The following HDLBP variants were observed in gnomAD, a reference collection of about 807,000 sequenced individuals.
The protein encoded by HDLBP is vigilin.
In HDLBP, 30 loss-of-function variants were observed where a neutral mutation model predicts 137.3. The ratio of observed to expected loss-of-function variants is 0.22; its 90% confidence interval spans 0.16 to 0.30. The LOEUF is 0.30. Ranked by LOEUF, HDLBP falls within the 10% of genes least tolerant of loss-of-function variation. The probability of loss-of-function intolerance (pLI) is 1.00; values close to 1 mark genes in which losing one functional copy is unlikely to be tolerated. For missense variants in HDLBP, 1,119 were observed against 1,667.3 expected (o/e 0.67, Z 5.73); for synonymous variants, 606 against 596.0 (o/e 1.02, Z -0.24).
At chr2:241,231,113 G>C (rs1051523247) in intron 24 of HDLBP, 169 bp from the exon 25 acceptor site, 2 of 613,670 alleles carry the variant, frequency 3.3e-6, no homozygotes, top group African/African-American at 3.7e-5. Context: ...GGCCGGGCAC[G>C]GTGGCTCACG....
intron 1 of HDLBP, among the ~76,000 whole-genome samples, chr2:241,296,684 G>C (rs770160649): frequency 6.6e-6 from 1 of 152,154 alleles, no homozygotes; most frequent in Non-Finnish European, 1.5e-5. Flanking sequence ...TATGAGATCC[G>C]CAAAGATGAA....
Position 241,247,298 on chromosome 2 carries a change from T to C in HDLBP, c.1732-156A>G. On this transcript the variant is annotated intron_variant, in intron 14 of 27. Transcript: ENST00000310931. ...TCATGAGGGTAAGTGAGATAGATCA[T>C]TTGTCCAACAACTAACTTACGTTGC... 6.5e-6 allele frequency: 4 copies of C among 619,654 alleles called. No individual in the cohort carries two copies. In the South Asian group the frequency reaches 7.7e-5, roughly 12 times the overall value. 38.4% of individuals were successfully genotyped at this position (619,654 alleles called of 1,614,324 possible).
At position 241,268,344 on chromosome 2, in the gene HDLBP, C is replaced by T. The variant is rs145684744; in HGVS notation, c.-38+133G>A. On this transcript the variant is annotated intron_variant, in intron 2 of 27. Transcript: ENST00000310931. ...GGTGAAGCTATGGAGACATCTCTGA[C>T]GAACCACGAGAAACTTGAAGGTGTG... is the stretch of plus-strand genomic sequence containing the variant. The T allele has an allele frequency of 8.1e-4, 385 of 475,966 alleles. 6 individuals are homozygous for T. In the South Asian group the frequency reaches 0.022, roughly 27 times the overall value. The allele number at this position is 475,966 out of a possible 1,614,324, so 29.5% of individuals were successfully genotyped here. A position where few individuals can be genotyped will look rare whatever the true frequency, so the allele number is the denominator to read the frequency against.
intron 9 of HDLBP, 24 bp from the exon 10 acceptor site, chr2:241,253,521 T>C (rs758403476): frequency 7.9e-6 from 12 of 1,521,492 alleles, no homozygotes; most frequent in South Asian, 3.4e-5. Flanking sequence ...ACCAAAGAGA[T>C]AGCTAAAACA....
chr2:241,268,037 C>T, intron 2 of HDLBP: 2 of 863,846 alleles, frequency 2.3e-6, no homozygotes, highest in African/African-American at 1.8e-5. Context: ...CAAACTACTA[C>T]AGTGAGGAAG....
chr2:241,229,800 T>TG (rs764162051), intron 27 of HDLBP, 33 bp downstream of exon 27: 1 of 310,040 alleles, frequency 3.2e-6, no homozygotes, highest in South Asian at 2.0e-5. Context: ...CCACCCTCCC[T>TG]GGGACCCAGG....
At chr2:241,235,290 C>G in intron 22 of HDLBP, 35 bp from the exon 23 acceptor site, 5 of 1,613,844 alleles carry the variant, frequency 3.1e-6, no homozygotes, top group Non-Finnish European at 4.2e-6. Flanking sequence ...ACGTTCAGGA[C>G]CCCAGAGAAC....
chr2:241,252,026 C>G (rs1006618738), intron 11 of HDLBP, among the ~76,000 whole-genome samples: 1 of 152,074 alleles, frequency 6.6e-6, no homozygotes, highest in African/African-American at 2.4e-5. Context: ...GCAGAATGCC[C>G]ACGACACACT....
At chr2:241,300,895 G>A (rs1035647316) in intron 1 of HDLBP, among the ~76,000 whole-genome samples, 1 of 151,808 alleles carries the variant, frequency 6.6e-6, no homozygotes, top group Non-Finnish European at 1.5e-5. Flanking sequence ...TAGAAGCCTT[G>A]TTTCAAAAGA....
At position 241,242,568 on chromosome 2, in the gene HDLBP, G is replaced by A. The variant is rs1219696456; in HGVS notation, c.2061C>T (p.His687=). 2 of 1,614,204 alleles carry A rather than the reference G, an allele frequency of 1.2e-6. No individual in the cohort carries two copies. Among genetic ancestry groups the A allele is most frequent in the South Asian group, 1.1e-5 (1 of 91,086 alleles). The change falls in exon 17 of 28, where the codon CAC becomes CAT. Residue 687 remains histidine, a synonymous_variant. Transcript: ENST00000310931. ...CTGAACCTTCCACGGGAAAGTGAATGTGGACCCCGCCGCACTCCTCCATGA... is the reference window on the plus strand; with the variant it reads ...CTGAACCTTCCACGGGAAAGTGAATATGGACCCCGCCGCACTCCTCCATGA... ...RSIMEECGGV[H]IHFPVEGSGS...
chr2:241,236,161 G>A (rs1014138066), intron 21 of HDLBP: 9 of 201,458 alleles, frequency 4.5e-5, no homozygotes, highest in Non-Finnish European at 9.1e-5. Flanking sequence ...CCACGGCAAC[G>A]TGAGAACTAT....
At chr2:241,308,718 A>G (rs2075663717) in intron 1 of HDLBP, among the ~76,000 whole-genome samples, 1 of 152,212 alleles carries the variant, frequency 6.6e-6, no homozygotes, top group Non-Finnish European at 1.5e-5. Context: ...GAGCCAAACC[A>G]CTAACTCTAG....
chr2:241,243,743 G>A (rs985521921), intron 16 of HDLBP: 17 of 152,262 alleles, frequency 1.1e-4, no homozygotes, highest in Admixed American at 1.0e-3. Context: ...ATTTGGGCCT[G>A]AACTAAATAC....
At chr2:241,247,001 C>T in intron 15 of HDLBP, 55 bp downstream of exon 15, 1 of 1,560,828 alleles carries the variant, frequency 6.4e-7, no homozygotes, top group East Asian at 2.2e-5. Context: ...CAAAATGGTG[C>T]AGGGCTACAG....
chr2:241,258,590 G>T (rs2072911408), intron 5 of HDLBP, among the ~76,000 whole-genome samples: 1 of 152,030 alleles, frequency 6.6e-6, no homozygotes, highest in Non-Finnish European at 1.5e-5. Flanking sequence ...CTCAATCAGT[G>T]CCTCAACCCT....
In HDLBP at chr2:241,248,012, C is replaced by T. The variant is rs375730350; in HGVS notation, c.1722G>A (p.Val574=). The T allele has an allele frequency of 1.2e-6, 2 of 1,611,370 alleles. No individual in the cohort carries two copies. Among genetic ancestry groups the T allele is most frequent in the African/African-American group, 1.3e-5 (1 of 74,974 alleles). Reference sequence around the variant, plus strand: ...TGTGAAACACCCCTACCAGATCTGCCACCATCTTCTGCATGTATTTTGTGC... The same window carrying T: ...TGTGAAACACCCCTACCAGATCTGCTACCATCTTCTGCATGTATTTTGTGC... ...EKCTKYMQKM[V]ADLVENSYSI... Residue 574 remains valine (V), a synonymous_variant, in exon 14 of 28, where the codon GTG becomes GTA. Transcript: ENST00000310931.
chr2:241,295,582 C>A (rs905234845), intron 1 of HDLBP, among the ~76,000 whole-genome samples: 1 of 152,188 alleles, frequency 6.6e-6, no homozygotes, highest in Admixed American at 6.5e-5. Context: ...TTCATCTACA[C>A]CCCCAATCAC....
chr2:241,263,332 C>T (rs753835147), intron 4 of HDLBP, among the ~76,000 whole-genome samples: 4 of 152,148 alleles, frequency 2.6e-5, no homozygotes, highest in Non-Finnish European at 5.9e-5. Flanking sequence ...TGGATGGGGG[C>T]GGAGCCTGGT....
chr2:241,246,795 C>G lies in HDLBP; in HGVS notation c.1907G>C (p.Cys636Ser). 6.2e-7 allele frequency: 1 copy of G among 1,614,222 alleles called. No homozygotes were observed. Among genetic ancestry groups the G allele is most frequent in the Non-Finnish European group, 8.5e-7 (1 of 1,180,028 alleles). Residue 636 changes from cysteine (C) to serine (S), a missense_variant, in exon 16 of 28, where the codon TGC (cysteine) becomes TCC (serine). Coordinates refer to ENST00000310931, the MANE Select transcript of HDLBP (RefSeq NM_005336.6). ...CAGAATCCTGCTCCGGGCAGCTTCGCAGTTGGCTCGCTTGCCTGTGATGAT... is the reference window on the plus strand; with the variant it reads ...CAGAATCCTGCTCCGGGCAGCTTCGGAGTTGGCTCGCTTGCCTGTGATGAT... ...TIIITGKRAN[C>S]EAARSRILSI... is the part of the protein sequence containing the mutation.
Sources: gnomAD v4.1 joint callset for allele counts (sites outside exome capture counted in the v4.1 genomes callset) on GRCh38, gnomAD v4.1.1 for gene constraint, MANE v1.5 for transcripts, NCBI Gene and HGNC (gene_info 2026-07-23, HGNC 2026-07-21) for gene names.